The following TRDN variants were observed in gnomAD, a reference collection of about 807,000 sequenced individuals.
TRDN encodes triadin in skeletal muscle.
In TRDN, 161 loss-of-function variants were observed where a neutral mutation model predicts 149.7. The ratio of observed to expected loss-of-function variants is 1.08; its 90% CI spans 0.95 to 1.23. The LOEUF (loss-of-function observed/expected upper bound fraction) is 1.23. Ranked by LOEUF, TRDN falls within the 50% of genes most tolerant of loss-of-function variation. The probability of loss-of-function intolerance (pLI) is 0.00; values close to 1 mark genes in which losing one functional copy is unlikely to be tolerated. For missense variants in TRDN, 896 were observed against 823.5 expected, an observed-to-expected ratio of 1.09 and a Z score of -1.08; for synonymous variants, 294 against 250.5, an observed-to-expected ratio of 1.17 and a Z score of -1.64.
chr6:123,361,620 T>C (rs555499556), intron 20 of TRDN, among the ~76,000 whole-genome samples: 47 of 152,300 alleles, frequency 3.1e-4, no homozygotes, highest in African/African-American at 1.1e-3. Context: ...TCATTTCTCA[T>C]ATACTTCACT....
intron 38 of TRDN, among the ~76,000 whole-genome samples, chr6:123,230,966 C>A (rs1435327275): frequency 6.6e-6 from 1 of 151,894 alleles, no homozygotes; most frequent in Non-Finnish European, 1.5e-5. Context: ...TAAGTCTCAC[C>A]AATACCCTTA....
intron 19 of TRDN, among the ~76,000 whole-genome samples, chr6:123,371,384 T>C (rs1276138932): frequency 6.6e-6 from 1 of 152,116 alleles, no homozygotes; most frequent in Non-Finnish European, 1.5e-5. Context: ...TTTAAGTCTC[T>C]TTTTTTCCGT....
intron 24 of TRDN, among the ~76,000 whole-genome samples, chr6:123,284,569 G>A (rs1327726931): frequency 6.6e-6 from 1 of 152,012 alleles, no homozygotes; most frequent in Non-Finnish European, 1.5e-5. Context: ...CACTGAATGG[G>A]AAAAAGTTGA....
rs548131504 is a variant in TRDN, at chr6:123,581,443, C to T, written c.23-10311G>A. On this transcript the variant is annotated intron_variant, in intron 1 of 40. Coordinates refer to ENST00000334268, the MANE Select transcript of TRDN (RefSeq NM_006073.4). The stretch of plus-strand genomic sequence containing the variant: ...TATCCTTTCATAGCACTTAGCATAG[C>T]ACATTTTGCACAGTTAAGGCCCCAA... Among the ~76,000 whole-genome samples, 6 of 152,260 alleles carry T rather than the reference C, an allele frequency of 3.9e-5. No homozygotes were observed. The South Asian group carries it at 6.2e-4, about 16-fold the overall frequency.
chr6:123,302,761 C>A (rs1386521660), intron 24 of TRDN, among the ~76,000 whole-genome samples: 1 of 152,014 alleles, frequency 6.6e-6, no homozygotes, highest in Non-Finnish European at 1.5e-5. Context: ...CAAGGCATCT[C>A]AAATTTTAAT....
rs569755034 is a variant in TRDN at position 123,278,281 on chromosome 6, T to G, written c.1567+37A>C. On this transcript the variant is annotated intron_variant, in intron 26 of 40. Transcript: ENST00000334268. ...GATATTGTGCTATTTATTCTAAACA[T>G]GGAAATCATATATGTGTATAAATAA... 2.4e-6 allele frequency: 3 copies of G among 1,233,962 alleles called. No homozygotes were observed. In the East Asian group the frequency reaches 9.2e-5, roughly 38 times the overall value. 76.4% of individuals were successfully genotyped at this position (1,233,962 alleles called of 1,614,324 possible).
chr6:123,493,888 C>G (rs1326217775), intron 9 of TRDN, among the ~76,000 whole-genome samples: 1 of 152,106 alleles, frequency 6.6e-6, no homozygotes, highest in African/African-American at 2.4e-5. Flanking sequence ...TTAATGCTTT[C>G]TCACTCCATG....
chr6:123,289,297 T>C (rs1057057834), intron 24 of TRDN, among the ~76,000 whole-genome samples: 23 of 151,568 alleles, frequency 1.5e-4, no homozygotes, highest in Non-Finnish European at 2.8e-4. Flanking sequence ...AAACAGAGAA[T>C]AGGAAGGTGG....
At chr6:123,360,016 A>AT (rs1440303590) in intron 20 of TRDN, among the ~76,000 whole-genome samples, 3 of 151,842 alleles carry the variant, frequency 2.0e-5, no homozygotes, top group African/African-American at 7.3e-5. Flanking sequence ...TTTTTTTTTA[A>AT]TTTATTTTTT....
At chr6:123,264,349 TAGA>T (rs1242583194) in intron 33 of TRDN, among the ~76,000 whole-genome samples, 9 of 152,208 alleles carry the variant, frequency 5.9e-5, no homozygotes, top group Admixed American at 2.0e-4. Context: ...AAGGATTCAG[TAGA>T]AGAAGTAACT....
chr6:123,563,342 T>C (rs1279299811), intron 2 of TRDN, among the ~76,000 whole-genome samples: 1 of 152,188 alleles, frequency 6.6e-6, no homozygotes, highest in Non-Finnish European at 1.5e-5. Flanking sequence ...GCACTTTATA[T>C]TTCAAAGCAA....
At chr6:123,296,636 G>T (rs1028119507) in intron 24 of TRDN, among the ~76,000 whole-genome samples, 3 of 149,620 alleles carry the variant, frequency 2.0e-5, no homozygotes, top group Non-Finnish European at 3.0e-5. Flanking sequence ...GTTCACAAAC[G>T]TTCTTTTTTC....
intron 20 of TRDN, among the ~76,000 whole-genome samples, chr6:123,354,875 A>G (rs1780600152): frequency 6.6e-6 from 1 of 151,680 alleles, no homozygotes; most frequent in Non-Finnish European, 1.5e-5. Flanking sequence ...TTTAATTAAT[A>G]TATTTCCCTT....
intron 1 of TRDN, among the ~76,000 whole-genome samples, chr6:123,579,818 C>T (rs551801715): frequency 1.7e-4 from 26 of 152,294 alleles, no homozygotes; most frequent in African/African-American, 4.3e-4. Context: ...GTTCTTGTGA[C>T]GAGTGAGTTC....
intron 2 of TRDN, 124 bp from the exon 3 acceptor site, chr6:123,548,736 A>T: frequency 1.2e-6 from 1 of 865,102 alleles, no homozygotes; most frequent in Non-Finnish European, 1.6e-6. Flanking sequence ...AACATTCTAA[A>T]TATCTCCTGG....
chr6:123,582,171 G>A (rs1323388166), intron 1 of TRDN, among the ~76,000 whole-genome samples: 1 of 152,116 alleles, frequency 6.6e-6, no homozygotes, highest in Non-Finnish European at 1.5e-5. Context: ...GAGACAACTC[G>A]AAATGGGGGG....
chr6:123,404,467 G>A (rs1422804552), intron 12 of TRDN, among the ~76,000 whole-genome samples: 1 of 151,396 alleles, frequency 6.6e-6, no homozygotes, highest in Non-Finnish European at 1.5e-5. Flanking sequence ...TTGTTTTTTT[G>A]TGTTTTGAGA....
At chr6:123,347,676 C>T (rs950191044) in intron 21 of TRDN, among the ~76,000 whole-genome samples, 1 of 151,970 alleles carries the variant, frequency 6.6e-6, no homozygotes, top group Non-Finnish European at 1.5e-5. Context: ...GCTTGTTCTT[C>T]AGCATTGGGG....
At chr6:123,530,879 A>G (rs1436446016) in intron 4 of TRDN, among the ~76,000 whole-genome samples, 2 of 151,954 alleles carry the variant, frequency 1.3e-5, no homozygotes, top group African/African-American at 2.4e-5. Flanking sequence ...TTTTATTTCA[A>G]TTACTCTCAA....
Sources: allele counts gnomAD v4.1 joint callset (sites outside exome capture counted in the v4.1 genomes callset), GRCh38; gene constraint gnomAD v4.1.1; transcripts MANE v1.5; gene names NCBI Gene and HGNC (gene_info 2026-07-23, HGNC 2026-07-21).